The following ARHGEF4 variants were observed in gnomAD, a reference collection of about 807,000 sequenced individuals.
The protein encoded by ARHGEF4 is APC-stimulated guanine nucleotide exchange factor 1.
Under a neutral mutation model 162.0 loss-of-function variants are expected in ARHGEF4, and 119 were observed. That is an observed-to-expected ratio of 0.73 (90% CI 0.63 to 0.86). The LOEUF is 0.86. Among genes scored for constraint, ARHGEF4 ranks in the 40% least tolerant of loss-of-function variants. The probability of loss-of-function intolerance (pLI) is 0.00; values close to 1 mark genes in which losing one functional copy is unlikely to be tolerated. For missense variants in ARHGEF4, 2,488 were observed against 2,456.0 expected (o/e 1.01, Z -0.28); for synonymous variants, 1,014 against 979.9 (o/e 1.03, Z -0.65).
intron 1 of ARHGEF4, among the ~76,000 whole-genome samples, chr2:130,912,974 G>A (rs145883729): frequency 6.6e-6 from 1 of 152,124 alleles, no homozygotes; most frequent in East Asian, 1.9e-4. Flanking sequence ...TGTTAATATT[G>A]TTAATTTTTT....
chr2:131,037,214 A>G (rs1414399277), intron 5 of ARHGEF4, among the ~76,000 whole-genome samples: 1 of 152,188 alleles, frequency 6.6e-6, no homozygotes, highest in Non-Finnish European at 1.5e-5. Flanking sequence ...GAGAGCGTCC[A>G]TCAGGACTGG....
intron 3 of ARHGEF4, among the ~76,000 whole-genome samples, chr2:130,939,343 AAG>A (rs1683145453): frequency 6.6e-6 from 1 of 152,054 alleles, no homozygotes; most frequent in African/African-American, 2.4e-5. Context: ...ACTTGTTGAA[AAG>A]AGTTATTATT....
At chr2:130,989,010 G>C (rs749298951) in intron 4 of ARHGEF4, among the ~76,000 whole-genome samples, 32 of 151,516 alleles carry the variant, frequency 2.1e-4, no homozygotes, top group Non-Finnish European at 2.9e-4. Flanking sequence ...TGCCCAGGCT[G>C]GAGTGCAATG....
Position 130,915,725 on chromosome 2 carries a change from G to C in ARHGEF4, c.1779G>C (p.Thr593=). Reference sequence around the variant, plus strand: ...GTCTTTCAGAATTCAAGGCAGCCACGGTGTCTCACTGCGGCCCCGGGGCTG... The same window carrying C: ...GTCTTTCAGAATTCAAGGCAGCCACCGTGTCTCACTGCGGCCCCGGGGCTG... ...LQGLSEFKAA[T]VSHCGPGAEE... Residue 593 remains threonine (T), a synonymous_variant, in exon 2 of 14, where the codon ACG becomes ACC. Transcript: ENST00000409359. The C allele has an allele frequency of 2.6e-6, 4 of 1,549,318 alleles. No homozygotes were observed. The highest frequency in any genetic ancestry group is 3.5e-6 in the Non-Finnish European group (4 of 1,146,196).
In ARHGEF4 at chr2:131,041,219, G is replaced by A. The variant is rs1166140890; in HGVS notation, c.4663-11G>A. On this transcript the variant is annotated splice_polypyrimidine_tract_variant and intron_variant, in intron 8 of 13. Transcript: ENST00000409359. ...CAGAGAGCTCTGCTAACCTCCAGCT[G>A]TGCCCCTTAGCAAGCCGACTTCCAG... The A allele has an allele frequency of 1.2e-6, 2 of 1,610,370 alleles. No homozygotes were observed. Among genetic ancestry groups the A allele is most frequent in the African/African-American group, 1.3e-5 (1 of 74,866 alleles).
chr2:130,992,659 C>T (rs978776900), intron 4 of ARHGEF4, among the ~76,000 whole-genome samples: 2 of 152,206 alleles, frequency 1.3e-5, no homozygotes, highest in African/African-American at 4.8e-5. Context: ...CGGCTTCATT[C>T]TTAAAGTCAG....
chr2:130,922,135 C>T (rs35285609), intron 2 of ARHGEF4, among the ~76,000 whole-genome samples: 10,983 of 151,784 alleles, frequency 0.072, 472 homozygotes, highest in Non-Finnish European at 0.1. Flanking sequence ...TTTGGGAGGC[C>T]GAGGCAGCAG....
In ARHGEF4 at chr2:131,029,551, CTTTT is replaced by C. The variant is rs70994734; in HGVS notation, c.4125+1480_4125+1483del. Among the ~76,000 whole-genome samples the C allele has an allele frequency of 3.8e-3, 531 of 140,906 alleles. 1 individual carries two copies. Among genetic ancestry groups the C allele is most frequent in the African/African-American group, 4.6e-3 (172 of 37,614 alleles). The allele number at this position is 140,906 out of a possible 152,430, so 92.4% of individuals were successfully genotyped here. On this transcript the variant is annotated intron_variant, in intron 5 of 13. Transcript: ENST00000409359. ...TTCACAAGGAATGGTTGTGCTTTTC[CTTTT>C]TTTTTTTTTTTTGAGATGGAGTCTC...
intron 4 of ARHGEF4, among the ~76,000 whole-genome samples, chr2:131,025,663 C>T (rs984063736): frequency 3.3e-4 from 50 of 152,172 alleles, no homozygotes; most frequent in African/African-American, 1.1e-3. Context: ...GTCGACATTA[C>T]GACATTAACA....
At chr2:131,041,783 TGCA>T in intron 9 of ARHGEF4, 29 bp from the exon 10 acceptor site, 1 of 1,606,362 alleles carries the variant, frequency 6.2e-7, no homozygotes. Flanking sequence ...GTCTCCAGCC[TGCA>T]GCAGCCTTCC....
At chr2:130,940,826 C>T (rs1235770748) in intron 3 of ARHGEF4, among the ~76,000 whole-genome samples, 9 of 118,414 alleles carry the variant, frequency 7.6e-5, no homozygotes, top group South Asian at 3.0e-4. Flanking sequence ...AGCGAGACTC[C>T]GTCTCAAAAA....
rs530315195 is a variant in ARHGEF4, at chr2:131,030,222, C to A, written c.4125+2138C>A. Reference sequence around the variant, plus strand: ...AGGATAAAATTATGGATTGTCACATCTTGCTGCTGGCGAAGAGGTGTTTTT... The same window carrying A: ...AGGATAAAATTATGGATTGTCACATATTGCTGCTGGCGAAGAGGTGTTTTT... On this transcript the variant is annotated intron_variant, in intron 5 of 13. Coordinates refer to ENST00000409359, the MANE Select transcript of ARHGEF4 (RefSeq NM_001367493.1). 6.7e-5 allele frequency among the ~76,000 whole-genome samples: 9 copies of A among 133,650 alleles called. No individual in the cohort carries two copies. In the South Asian group the frequency reaches 1.5e-3, roughly 23 times the overall value. The allele number at this position is 133,650 out of a possible 152,430, so 87.7% of individuals were successfully genotyped here. A position where few individuals can be genotyped will look rare whatever the true frequency, so the allele number is the denominator to read the frequency against.
chr2:130,878,498 G>A (rs1291603892), intron 1 of ARHGEF4, among the ~76,000 whole-genome samples: 2 of 152,220 alleles, frequency 1.3e-5, no homozygotes, highest in South Asian at 2.1e-4. Flanking sequence ...CAGTGGGTTT[G>A]TATCACAGCT....
chr2:130,996,259 G>C (rs537637646), intron 4 of ARHGEF4, among the ~76,000 whole-genome samples: 10 of 152,296 alleles, frequency 6.6e-5, no homozygotes, highest in African/African-American at 2.4e-4. Flanking sequence ...AGGCAGCCCT[G>C]CACACTCGGC....
chr2:130,871,754 C>T (rs1014795969), intron 1 of ARHGEF4, among the ~76,000 whole-genome samples: 4 of 152,058 alleles, frequency 2.6e-5, no homozygotes, highest in Admixed American at 1.3e-4. Flanking sequence ...ACCTGGGAAA[C>T]TCAGGTCCAC....
chr2:130,923,885 C>CTTTTTTTT (rs11377085), intron 2 of ARHGEF4, among the ~76,000 whole-genome samples: 1 of 141,002 alleles, frequency 7.1e-6, no homozygotes, highest in East Asian at 2.1e-4. Context: ...CTTTTCTTTT[C>CTTTTTTTT]TTTTTTTTTT....
chr2:130,843,114 C>G (rs190490024), intron 1 of ARHGEF4, among the ~76,000 whole-genome samples: 34 of 152,120 alleles, frequency 2.2e-4, no homozygotes, highest in Admixed American at 6.5e-5. Context: ...TAGATGGGGC[C>G]AGATTTTCGG....
At chr2:130,913,955 G>A (rs1479992927) in intron 1 of ARHGEF4, 31 bp from the exon 2 acceptor site, 1 of 1,535,746 alleles carries the variant, frequency 6.5e-7, no homozygotes, top group Admixed American at 2.0e-5. Flanking sequence ...CTCAGGCCTT[G>A]TCTCTGACTC....
At chr2:130,923,867 CT>C (rs1433099519) in intron 2 of ARHGEF4, among the ~76,000 whole-genome samples, 2 of 141,766 alleles carry the variant, frequency 1.4e-5, no homozygotes, top group Non-Finnish European at 3.0e-5. Flanking sequence ...TGCAGTCTTT[CT>C]TTTATTCTTT....
Sources: allele counts gnomAD v4.1 joint callset (sites outside exome capture counted in the v4.1 genomes callset), GRCh38; gene constraint gnomAD v4.1.1; transcripts MANE v1.5; gene names NCBI Gene and HGNC (gene_info 2026-07-23, HGNC 2026-07-21).